Variants in TMEM200C observed in about 807,000 individuals in gnomAD.
TMEM200C encodes the protein transmembrane protein TTMA.
For missense variants in TMEM200C, 966 were observed against 699.9 expected (o/e 1.38, Z -4.29); for synonymous variants, 462 against 324.7 (o/e 1.42, Z -4.55).
At chr18:5,895,389 C>A (rs1298452376) in exon 2 of TMEM200C, 1 of 151,344 alleles carries the variant, frequency 6.6e-6, no homozygotes, top group Non-Finnish European at 1.5e-5. Context: ...CCGGCCCTCG[C>A]GCCTCTTTTG....
At chr18:5,896,080 A>G (rs11663009), upstream of TMEM200C, 120,394 of 152,116 alleles carry the variant, frequency 0.79, 48,404 homozygotes, top group African/African-American at 0.94. Context: ...GACGCTCGGC[A>G]AGCACAGTAA....
At chr18:5,895,241 A>C (rs2095174866) in exon 2 of TMEM200C, 1 of 147,082 alleles carries the variant, frequency 6.8e-6, no homozygotes, top group Non-Finnish European at 1.5e-5. Flanking sequence ...GCCATTTCCA[A>C]GAGTTTCCAA....
Position 5,891,549 on chromosome 18 carries a change from A to G in TMEM200C, c.515T>C (p.Ile172Thr), listed in dbSNP as rs867075976. 6.2e-7 allele frequency: 1 copy of G among 1,613,484 alleles called. No individual in the cohort carries two copies. The highest frequency in any genetic ancestry group is 8.5e-7 in the Non-Finnish European group (1 of 1,179,776). The change falls in exon 3 of 3, where the codon ATC becomes ACC. Residue 172 changes from isoleucine to threonine, a missense_variant. Physicochemically the swap from Ile to Thr is moderately conservative, Grantham distance 89. Transcript: ENST00000581347. The surrounding 1 kb of genome is among the most constrained non-coding windows in gnomAD (Gnocchi z 4.7). ...GAAGAGGAAGATGCCGATGCCCATG[A>G]TGAGGGGCCCGAAGACCTTGAGCTT...
In TMEM200C at chr18:5,891,327, G is replaced by C; in HGVS notation, c.737C>G (p.Pro246Arg). ...CACGTAGCTGAGGAAGCCGTTGAGC[G>C]GTATGGCCCCGGGGGGCGCCGCGGC... The change falls in exon 3 of 3, where the codon CCG (proline) becomes CGG (arginine). Residue 246 changes from proline to arginine, a missense_variant. Pro to Arg is a moderately radical substitution (Grantham distance 103). Transcript: ENST00000581347. The surrounding 1 kb of genome is among the most constrained non-coding windows in gnomAD (Gnocchi z 4.7). The C allele has an allele frequency of 7.3e-7, 1 of 1,369,096 alleles. No individual in the cohort carries two copies. Among genetic ancestry groups the C allele is most frequent in the Non-Finnish European group, 9.5e-7 (1 of 1,057,648 alleles). The allele number at this position is 1,369,096 out of a possible 1,614,324, so 84.8% of individuals were successfully genotyped here.
In TMEM200C at chr18:5,891,346, C is replaced by T; in HGVS notation, c.718G>A (p.Ala240Thr). 7.5e-7 allele frequency: 1 copy of T among 1,328,234 alleles called. No homozygotes were observed. Among genetic ancestry groups the T allele is most frequent in the Admixed American group, 4.0e-5 (1 of 25,240 alleles). The allele number at this position is 1,328,234 out of a possible 1,614,324, so 82.3% of individuals were successfully genotyped here. Residue 240 changes from alanine (A) to threonine (T), a missense_variant, in exon 3 of 3, where the codon GCG (alanine) becomes ACG (threonine). Ala to Thr is a moderately conservative substitution (Grantham distance 58). Coordinates refer to ENST00000581347, the Ensembl canonical transcript of TMEM200C. The surrounding 1 kb of genome is among the most constrained non-coding windows in gnomAD (Gnocchi z 4.7). The stretch of plus-strand genomic sequence containing the variant: ...TTGAGCGGTATGGCCCCGGGGGGCG[C>T]CGCGGCGGGGGCAGACGACGACGAA...
exon 3 of TMEM200C, chr18:5,889,825 G>A (rs2095168217): frequency 6.3e-6 from 1 of 159,696 alleles, no homozygotes; most frequent in Non-Finnish European, 1.4e-5. Context: ...ACAGGGGTCG[G>A]GAAATGAGGG....
chr18:5,888,485 C>A (rs1435499659), exon 3 of TMEM200C: 1 of 152,104 alleles, frequency 6.6e-6, no homozygotes, highest in African/African-American at 2.4e-5. Flanking sequence ...AGGACAAGAG[C>A]CTGAATTTAA....
chr18:5,887,092 A>G (rs545566637), exon 3 of TMEM200C: 10 of 152,300 alleles, frequency 6.6e-5, no homozygotes, highest in Middle Eastern at 3.4e-3. Context: ...TAACTTGTCC[A>G]TGGTCACCCA....
chr18:5,891,832 C>T lies in TMEM200C; in HGVS notation c.232G>A (p.Ala78Thr), dbSNP rs2095171556. 3.1e-6 allele frequency: 5 copies of T among 1,605,794 alleles called. No homozygotes were observed. The East Asian group carries it at 1.1e-4, about 36-fold the overall frequency. The change falls in exon 3 of 3, where the codon GCC (alanine) becomes ACC (threonine). Residue 78 changes from alanine (A) to threonine (T), a missense_variant. By Grantham distance (58) the Ala-to-Thr change is moderately conservative. Transcript: ENST00000581347. The surrounding 1 kb of genome is among the most constrained non-coding windows in gnomAD (Gnocchi z 4.7). ...CCCCCCTCCCGATTGGTCCCGGTGG[C>T]CTTGGGCCAGTAGCCCACCACCGCC...
exon 3 of TMEM200C, chr18:5,887,354 C>T (rs912666349): frequency 6.6e-6 from 1 of 152,116 alleles, no homozygotes; most frequent in African/African-American, 2.4e-5. Context: ...TGTTCATGCC[C>T]GTCTGAAGAT....
At chr18:5,887,492 G>T (rs2095166253) in exon 3 of TMEM200C, 1 of 152,172 alleles carries the variant, frequency 6.6e-6, no homozygotes, top group East Asian at 1.9e-4. Context: ...CTCCAGAAAT[G>T]CCCATTTCAA....
At position 5,891,959 on chromosome 18, in the gene TMEM200C, G is replaced by T; in HGVS notation, c.105C>A (p.Arg35=). 1.2e-6 allele frequency: 2 copies of T among 1,613,966 alleles called. No homozygotes were observed. Among genetic ancestry groups the T allele is most frequent in the Middle Eastern group, 1.6e-4 (1 of 6,062 alleles). ...CTTTCACCACCACCACGTCGTTCTT[G>T]CGCCTCTTCTTGGCTTTCCGCTTGC... The change falls in exon 3 of 3, where the codon CGC becomes CGA. Residue 35 remains arginine, a synonymous_variant. Coordinates refer to ENST00000581347, the Ensembl canonical transcript of TMEM200C. This position sits in a 1 kb window ranked among gnomAD's most constrained non-coding sequence, Gnocchi z 4.7.
chr18:5,884,088 A>G (rs566256981), exon 3 of TMEM200C: 1 of 152,180 alleles, frequency 6.6e-6, no homozygotes, highest in East Asian at 1.9e-4. Context: ...TTAATGCCAA[A>G]CCATCGTAAT....
rs1431407429 is a variant in TMEM200C at position 5,892,121 on chromosome 18, G to A, written c.-58C>T. On this transcript the variant is annotated 5_prime_UTR_variant, in exon 3 of 3. Coordinates refer to ENST00000581347, the Ensembl canonical transcript of TMEM200C. ...GGATGGAGGCTTGCACAGGGAGGGC[G>A]CCAACTGCCCACTAGCTGCTCAGCC... 3.4e-5 allele frequency: 51 copies of A among 1,489,696 alleles called. 1 individual carries two copies. The East Asian group carries it at 7.7e-4, about 22-fold the overall frequency. The allele number at this position is 1,489,696 out of a possible 1,614,324, so 92.3% of individuals were successfully genotyped here. A position where few individuals can be genotyped will look rare whatever the true frequency, so the allele number is the denominator to read the frequency against.
At chr18:5,883,269 C>T (rs937761975) in exon 3 of TMEM200C, 16 of 151,008 alleles carry the variant, frequency 1.1e-4, no homozygotes, top group Middle Eastern at 3.4e-3. Context: ...GGAATTCAAA[C>T]TAACAAAATT....
intron 2 of TMEM200C, among the ~76,000 whole-genome samples, chr18:5,893,362 T>C (rs1447863070): frequency 6.6e-6 from 1 of 151,814 alleles, no homozygotes. Flanking sequence ...CAACAATCAA[T>C]GGACTACTCT....
chr18:5,883,279 T>G (rs1374433306), exon 3 of TMEM200C: 1 of 143,178 alleles, frequency 7.0e-6, no homozygotes, highest in African/African-American at 2.6e-5. Flanking sequence ...CTAACAAAAT[T>G]ATACTTTTGT....
intron 2 of TMEM200C, among the ~76,000 whole-genome samples, chr18:5,892,572 C>T (rs951065940): frequency 2.0e-5 from 3 of 152,122 alleles, no homozygotes; most frequent in Non-Finnish European, 4.4e-5. Flanking sequence ...TTCCCTCAGT[C>T]CTTCAGGAAT....
At chr18:5,882,989 A>G (rs976148078) in exon 3 of TMEM200C, 1 of 152,134 alleles carries the variant, frequency 6.6e-6, no homozygotes, top group African/African-American at 2.4e-5. Flanking sequence ...GTGCTTCCTG[A>G]TATCATTTAC....
Sources: allele counts gnomAD v4.1 joint callset (sites outside exome capture counted in the v4.1 genomes callset), GRCh38; gene constraint gnomAD v4.1.1; non-coding constraint Gnocchi (gnomAD v3.1); transcripts MANE v1.5; gene names NCBI Gene and HGNC (gene_info 2026-07-23, HGNC 2026-07-21).